ADAMTS9: variants seen among roughly 807,000 people sequenced by gnomAD.
ADAMTS9 encodes A disintegrin and metalloproteinase with thrombospondin motifs 9.
Under a neutral mutation model 257.1 loss-of-function variants are expected in ADAMTS9, and 107 were observed. The ratio of observed to expected loss-of-function variants is 0.42; its 90% CI spans 0.36 to 0.49. The LOEUF (loss-of-function observed/expected upper bound fraction) is 0.49, where lower values mean the gene tolerates loss of function less well. ADAMTS9 is among the 20% of genes least tolerant of loss of function. The probability of loss-of-function intolerance (pLI) is 0.03; values close to 1 mark genes in which losing one functional copy is unlikely to be tolerated. For synonymous variants in ADAMTS9, 982 were observed against 880.9 expected (o/e 1.11, Z -2.03); for missense variants, 2,353 against 2,469.1 (o/e 0.95, Z 1.00).
At chr3:64,584,070 C>T (rs534822393) in intron 28 of ADAMTS9, 2 of 152,142 alleles carry the variant, frequency 1.3e-5, no homozygotes, top group South Asian at 4.2e-4. Context: ...AATGATTTCA[C>T]CAAGAAAGGA....
intron 12 of ADAMTS9, among the ~76,000 whole-genome samples, chr3:64,641,630 A>G (rs1032569608): frequency 4.6e-5 from 7 of 151,776 alleles, no homozygotes; most frequent in Admixed American, 6.6e-5. Flanking sequence ...TTTGGTAGAT[A>G]AAACTTTGAA....
intron 31 of ADAMTS9, 82 bp downstream of exon 31, chr3:64,550,810 C>G (rs574504307): frequency 6.4e-7 from 1 of 1,559,864 alleles, no homozygotes; most frequent in Admixed American, 1.7e-5. Context: ...TCCCACATTC[C>G]TGCACTCATC....
At chr3:64,625,537 G>A (rs1700204481) in intron 16 of ADAMTS9, among the ~76,000 whole-genome samples, 1 of 152,188 alleles carries the variant, frequency 6.6e-6, no homozygotes, top group Non-Finnish European at 1.5e-5. Flanking sequence ...CAGAGTTCAT[G>A]CAATTGGACA....
At chr3:64,536,940 CACA>C (rs761229974) in intron 37 of ADAMTS9, among the ~76,000 whole-genome samples, 11 of 152,274 alleles carry the variant, frequency 7.2e-5, no homozygotes, top group East Asian at 3.9e-4. Context: ...AATTCTCAAA[CACA>C]ACATCATTCT....
At chr3:64,649,816 G>C in intron 9 of ADAMTS9, 38 bp from the exon 10 acceptor site, 1 of 1,586,432 alleles carries the variant, frequency 6.3e-7, no homozygotes, top group Non-Finnish European at 8.6e-7. Context: ...TGGTGAGAAC[G>C]GTGGCTGTCA....
chr3:64,654,501 C>G (rs1305403646), intron 7 of ADAMTS9, 43 bp from the exon 8 acceptor site: 2 of 1,604,020 alleles, frequency 1.2e-6, no homozygotes, highest in Admixed American at 1.7e-5. Context: ...CTCTAAAAAG[C>G]AACTGTGGCT....
chr3:64,585,377 G>C (rs1250687599), intron 28 of ADAMTS9, among the ~76,000 whole-genome samples: 2 of 152,114 alleles, frequency 1.3e-5, no homozygotes, highest in Non-Finnish European at 2.9e-5. Flanking sequence ...GTGATGAGAG[G>C]AAGAGGATGC....
At chr3:64,600,923 G>A (rs1338445402) in intron 26 of ADAMTS9, among the ~76,000 whole-genome samples, 2 of 152,068 alleles carry the variant, frequency 1.3e-5, no homozygotes, top group African/African-American at 4.8e-5. Flanking sequence ...AGTACTAGAA[G>A]GAAACTAATA....
chr3:64,648,940 T>C (rs1380488419), intron 10 of ADAMTS9, among the ~76,000 whole-genome samples: 1 of 152,342 alleles, frequency 6.6e-6, no homozygotes, highest in Middle Eastern at 3.4e-3. Flanking sequence ...CATGGAATAC[T>C]ATTGTACTTC....
At chr3:64,599,954 C>T (rs531230576) in intron 26 of ADAMTS9, among the ~76,000 whole-genome samples, 1 of 152,106 alleles carries the variant, frequency 6.6e-6, no homozygotes, top group East Asian at 1.9e-4. Flanking sequence ...CTTGCCAGCC[C>T]CTGAGACAGA....
chr3:64,669,227 TTCTA>T (rs1265896973), intron 3 of ADAMTS9, among the ~76,000 whole-genome samples: 1 of 152,212 alleles, frequency 6.6e-6, no homozygotes, highest in African/African-American at 2.4e-5. Flanking sequence ...ATTGAAAGCT[TTCTA>T]TCTTTCTCTA....
chr3:64,673,720 A>T (rs1701550300), intron 3 of ADAMTS9, among the ~76,000 whole-genome samples: 1 of 152,088 alleles, frequency 6.6e-6, no homozygotes, highest in African/African-American at 2.4e-5. Context: ...TTACGTATCA[A>T]ATATTAATAA....
Position 64,604,046 on chromosome 3 carries a change from C to G in ADAMTS9, c.3623G>C (p.Ser1208Thr), listed in dbSNP as rs769781943. The change falls in exon 25 of 40, where the codon AGC (serine) becomes ACC (threonine). Residue 1208 changes from serine to threonine, a missense_variant. By Grantham distance (58) the Ser-to-Thr change is moderately conservative. Around this residue, in one of 3 missense-constraint regions of ADAMTS9, gnomAD observed 1,402 missense variants for 1,441.4 expected, o/e 0.97. Coordinates refer to ENST00000498707, the MANE Select transcript of ADAMTS9 (RefSeq NM_182920.2). ...CGKGTRMRYVSCRDENGSVAD... is the reference protein window; with the variant it reads ...CGKGTRMRYVTCRDENGSVAD... ...CACAGAGCCATTCTCATCTCGGCAG[C>G]TGACGTATCTCATCCGGGTACCTTT... The G allele has an allele frequency of 6.2e-7, 1 of 1,614,130 alleles. No homozygotes were observed. Among genetic ancestry groups the G allele is most frequent in the Non-Finnish European group, 8.5e-7 (1 of 1,180,000 alleles).
At chr3:64,621,758 T>C (rs1700110512) in intron 18 of ADAMTS9, among the ~76,000 whole-genome samples, 2 of 133,124 alleles carry the variant, frequency 1.5e-5, no homozygotes, top group South Asian at 2.3e-4. Flanking sequence ...CAAGACTCCA[T>C]CTCAAAAAAA....
intron 14 of ADAMTS9, 42 bp downstream of exon 14, chr3:64,633,430 C>T: frequency 6.2e-7 from 1 of 1,608,390 alleles, no homozygotes; most frequent in Non-Finnish European, 8.5e-7. Flanking sequence ...CACAGGTTGG[C>T]AGCGGGAAAA....
chr3:64,612,571 A>T (rs549479145), intron 22 of ADAMTS9, among the ~76,000 whole-genome samples: 1 of 152,290 alleles, frequency 6.6e-6, no homozygotes, highest in East Asian at 1.9e-4. Flanking sequence ...AGGCTAAAAG[A>T]CTGAGTGGCT....
chr3:64,648,153 TGG>T, intron 10 of ADAMTS9, 109 bp from the exon 11 acceptor site: 2 of 956,034 alleles, frequency 2.1e-6, no homozygotes, highest in Non-Finnish European at 3.1e-6. Context: ...ATAGGGTAAG[TGG>T]GGAAGGAAAT....
intron 28 of ADAMTS9, among the ~76,000 whole-genome samples, chr3:64,593,899 A>G (rs538116457): frequency 1.7e-4 from 26 of 152,008 alleles, no homozygotes; most frequent in Middle Eastern, 3.4e-3. Flanking sequence ...ACAGCTTAGA[A>G]AAGGAAAGAA....
intron 12 of ADAMTS9, among the ~76,000 whole-genome samples, chr3:64,641,105 TA>T (rs1424878751): frequency 6.6e-6 from 1 of 152,020 alleles, no homozygotes; most frequent in African/African-American, 2.4e-5. Flanking sequence ...AGAAAAAAAA[TA>T]AAAAGTAATT....
Sources: gnomAD v4.1 joint callset for allele counts (sites outside exome capture counted in the v4.1 genomes callset) on GRCh38, gnomAD v4.1.1 for gene constraint, gnomAD v4.1.1 regional missense constraint, MANE v1.5 for transcripts, NCBI Gene and HGNC (gene_info 2026-07-23, HGNC 2026-07-21) for gene names.